TLE1: variants seen among roughly 807,000 people sequenced by gnomAD.
The protein encoded by TLE1 is transducin-like enhancer protein 1.
A neutral mutation model predicts 89.8 loss-of-function variants in TLE1; 21 were observed. The ratio of observed to expected loss-of-function variants is 0.23; its 90% CI spans 0.17 to 0.34. The LOEUF is 0.34. Ranked by LOEUF, TLE1 falls within the 10% of genes least tolerant of loss-of-function variation. The pLI, the probability that TLE1 is intolerant of heterozygous loss-of-function variation, is 1.00. For synonymous variants in TLE1, 447 were observed against 407.6 expected (o/e 1.10, Z -1.16); for missense variants, 795 against 1,031.2 (o/e 0.77, Z 3.14).
chr9:81,680,937 AAAAAC>A (rs1833540498), intron 4 of TLE1, among the ~76,000 whole-genome samples: 1 of 150,942 alleles, frequency 6.6e-6, no homozygotes, highest in Admixed American at 6.6e-5. Context: ...GTTAAAAAAA[AAAAAC>A]AAAAAAAACA....
At chr9:81,594,384 G>A (rs1383834691) in intron 14 of TLE1, among the ~76,000 whole-genome samples, 2 of 152,084 alleles carry the variant, frequency 1.3e-5, no homozygotes, top group African/African-American at 4.8e-5. Context: ...CCCTTGCAGG[G>A]ACATGGATGA....
intron 1 of TLE1, 64 bp from the exon 2 acceptor site, chr9:81,687,498 T>A: frequency 2.3e-6 from 3 of 1,277,774 alleles, no homozygotes; most frequent in Non-Finnish European, 3.4e-6. Context: ...AAGCAGTAAG[T>A]CAGAGAAGGC....
intron 4 of TLE1, among the ~76,000 whole-genome samples, chr9:81,661,172 TTATATATATGTATTTTTA>T (rs1350311827): frequency 2.3e-4 from 30 of 132,842 alleles, no homozygotes; most frequent in South Asian, 4.8e-4. Flanking sequence ...ACATATATAT[TTATATATATGTATTTTTA>T]TATATATATG....
Position 81,610,092 on chromosome 9 carries a change from T to A in TLE1, c.1331+128A>T, listed in dbSNP as rs112484984. 998 of 776,366 alleles carry A rather than the reference T, an allele frequency of 1.3e-3. 12 individuals are homozygous for A. In the African/African-American group the frequency reaches 0.015, roughly 12 times the overall value. 48.1% of individuals were successfully genotyped at this position (776,366 alleles called of 1,614,324 possible). A position where few individuals can be genotyped will look rare whatever the true frequency, so the allele number is the denominator to read the frequency against. On this transcript the variant is annotated intron_variant, in intron 14 of 19. Coordinates refer to ENST00000376499, the MANE Select transcript of TLE1 (RefSeq NM_005077.5). Reference sequence around the variant, plus strand: ...TATTTATAGAAAGTGTTAACACTCCTCAGGAAAAGACACCAGAAATCTCCT... The same window carrying A: ...TATTTATAGAAAGTGTTAACACTCCACAGGAAAAGACACCAGAAATCTCCT...
At chr9:81,624,456 C>T (rs1825672687) in intron 8 of TLE1, among the ~76,000 whole-genome samples, 1 of 152,172 alleles carries the variant, frequency 6.6e-6, no homozygotes, top group African/African-American at 2.4e-5. Context: ...GCAGACACCT[C>T]TTCCTAGAGT....
chr9:81,604,291 T>A lies in TLE1; in HGVS notation c.1331+5929A>T, dbSNP rs1396368844. On this transcript the variant is annotated intron_variant, in intron 14 of 19. Transcript: ENST00000376499. ...GAGGTCTCAATAAAATCTGTGAAAG[T>A]GTGGATGGAAAGGAAGTGACAGGAT... Among the ~76,000 whole-genome samples the A allele has an allele frequency of 5.3e-5, 8 of 151,864 alleles. No homozygotes were observed. In the East Asian group the frequency reaches 1.4e-3, roughly 26 times the overall value.
At chr9:81,678,590 G>T (rs536805053) in intron 4 of TLE1, among the ~76,000 whole-genome samples, 19 of 152,142 alleles carry the variant, frequency 1.2e-4, no homozygotes, top group African/African-American at 4.6e-4. Flanking sequence ...TGAGGCACGT[G>T]GCTCACTTGA....
At chr9:81,607,024 A>T (rs113828813) in intron 14 of TLE1, among the ~76,000 whole-genome samples, 1,741 of 151,080 alleles carry the variant, frequency 0.012, 17 homozygotes, top group Non-Finnish European at 0.019. Flanking sequence ...AGGAGTTTGA[A>T]ACCAGCCTAG....
At chr9:81,612,148 CAGGAAAGAAAAGA>C (rs1823800765) in intron 12 of TLE1, 189 bp from the exon 13 acceptor site, 1 of 613,980 alleles carries the variant, frequency 1.6e-6, no homozygotes, top group Admixed American at 4.4e-5. Context: ...AATGCATCTC[CAGGAAAGAAAAGA>C]CTCCAGGGGA....
chr9:81,583,863 A>C lies in TLE1; in HGVS notation c.*335T>G, dbSNP rs1425636196. ...GTGAGGTGAACTGCAAGGAACAGAAAGGTAATCTCACACTTGGGCAAGGCG... is the reference window on the plus strand; with the variant it reads ...GTGAGGTGAACTGCAAGGAACAGAACGGTAATCTCACACTTGGGCAAGGCG... On this transcript the variant is annotated 3_prime_UTR_variant, in exon 20 of 20. Coordinates refer to ENST00000376499, the MANE Select transcript of TLE1 (RefSeq NM_005077.5). 2 of 265,190 alleles carry C rather than the reference A, an allele frequency of 7.5e-6. No individual in the cohort carries two copies. The highest frequency in any genetic ancestry group is 1.4e-4 in the East Asian group (2 of 14,130). 16.4% of individuals were successfully genotyped at this position (265,190 alleles called of 1,614,324 possible). A position where few individuals can be genotyped will look rare whatever the true frequency, so the allele number is the denominator to read the frequency against.
At chr9:81,666,504 C>T (rs1004470549) in intron 4 of TLE1, among the ~76,000 whole-genome samples, 1 of 152,002 alleles carries the variant, frequency 6.6e-6, no homozygotes, top group Non-Finnish European at 1.5e-5. Flanking sequence ...TAGCCAGGCG[C>T]GGTGGCTCAC....
intron 4 of TLE1, among the ~76,000 whole-genome samples, chr9:81,677,393 G>A (rs547155782): frequency 2.6e-5 from 4 of 151,470 alleles, no homozygotes; most frequent in African/African-American, 4.9e-5. Flanking sequence ...ATGAAATCCT[G>A]TCTCTACTAA....
chr9:81,614,162 C>T (rs1049388289), intron 11 of TLE1, among the ~76,000 whole-genome samples: 2 of 152,056 alleles, frequency 1.3e-5, no homozygotes, highest in African/African-American at 2.4e-5. Flanking sequence ...CCCGCCTTGG[C>T]CTCCCAAAGT....
chr9:81,682,410 G>A (rs1833746905), intron 4 of TLE1, among the ~76,000 whole-genome samples: 1 of 152,128 alleles, frequency 6.6e-6, no homozygotes, highest in Non-Finnish European at 1.5e-5. Flanking sequence ...CTACTCTGGA[G>A]GATGCCTATG....
intron 8 of TLE1, among the ~76,000 whole-genome samples, chr9:81,631,654 A>G (rs901661295): frequency 2.2e-4 from 34 of 152,346 alleles, no homozygotes; most frequent in African/African-American, 7.7e-4. Context: ...GGAGTACTGA[A>G]GAAAACATGT....
At chr9:81,672,282 T>G (rs1437481864) in intron 4 of TLE1, among the ~76,000 whole-genome samples, 2 of 152,096 alleles carry the variant, frequency 1.3e-5, no homozygotes, top group Non-Finnish European at 2.9e-5. Context: ...AACTTCCAGT[T>G]TGACCAATCC....
rs374501607 is a variant in TLE1, at chr9:81,620,180, G to A, written c.711+261C>T. Among the ~76,000 whole-genome samples the A allele has an allele frequency of 1.1e-4, 17 of 152,232 alleles. 1 individual carries two copies. Among genetic ancestry groups the A allele is most frequent in the East Asian group, 9.7e-4 (5 of 5,174 alleles). On this transcript the variant is annotated intron_variant, in intron 9 of 19. Coordinates refer to ENST00000376499, the MANE Select transcript of TLE1 (RefSeq NM_005077.5). ...AACAAGAGCAGGGCCCTGAGCAACCGCACAGCCCACAAAGTCAGCCCTGCA... is the reference window on the plus strand; with the variant it reads ...AACAAGAGCAGGGCCCTGAGCAACCACACAGCCCACAAAGTCAGCCCTGCA...
intron 4 of TLE1, among the ~76,000 whole-genome samples, chr9:81,677,863 C>T (rs924798485): frequency 1.3e-5 from 2 of 152,200 alleles, no homozygotes; most frequent in African/African-American, 4.8e-5. Flanking sequence ...CAGCAAGCTA[C>T]ATATACAACT....
At chr9:81,648,075 C>G (rs1324523531) in intron 6 of TLE1, among the ~76,000 whole-genome samples, 1 of 151,944 alleles carries the variant, frequency 6.6e-6, no homozygotes, top group East Asian at 1.9e-4. Flanking sequence ...AGTTCAAGAC[C>G]AGCCTGGCCA....
Sources: gnomAD v4.1 joint callset for allele counts (sites outside exome capture counted in the v4.1 genomes callset) on GRCh38, gnomAD v4.1.1 for gene constraint, MANE v1.5 for transcripts, NCBI Gene and HGNC (gene_info 2026-07-23, HGNC 2026-07-21) for gene names.